C1QTNF12: variants seen among roughly 807,000 people sequenced by gnomAD.
The protein encoded by C1QTNF12 is C1q and TNF related 12, also known as adipolin.
In C1QTNF12, 39 loss-of-function variants were observed where a neutral mutation model predicts 34.3. The ratio of observed to expected loss-of-function variants is 1.14; its 90% confidence interval spans 0.88 to 1.49. C1QTNF12 has a LOEUF of 1.49. Among genes scored for constraint, C1QTNF12 ranks in the 40% most tolerant of loss-of-function variants. The probability of loss-of-function intolerance (pLI) is 0.00; values close to 1 mark genes in which losing one functional copy is unlikely to be tolerated. For missense variants in C1QTNF12, 497 were observed against 424.7 expected (o/e 1.17, Z -1.50); for synonymous variants, 220 against 196.9 (o/e 1.12, Z -0.98).
intron 1 of C1QTNF12, among the ~76,000 whole-genome samples, chr1:1,245,748 G>A (rs371598470): frequency 6.6e-6 from 1 of 152,344 alleles, no homozygotes. Context: ...CAGCGGGGCC[G>A]CGTGGGCTGA....
At chr1:1,243,845 C>G in intron 4 of C1QTNF12, 109 bp downstream of exon 4, 1 of 1,369,918 alleles carries the variant, frequency 7.3e-7, no homozygotes, top group Non-Finnish European at 9.9e-7. Flanking sequence ...GCCCCGCCCC[C>G]AGCCCCCAAC....
chr1:1,243,859 CA>C, intron 4 of C1QTNF12, 94 bp downstream of exon 4: 1 of 1,444,374 alleles, frequency 6.9e-7, no homozygotes, highest in Non-Finnish European at 9.3e-7. Flanking sequence ...CCCCAACCCA[CA>C]TGCTGCCCCA....
chr1:1,246,848 C>T, upstream of C1QTNF12: 1 of 443,456 alleles, frequency 2.3e-6, no homozygotes, highest in Non-Finnish European at 3.4e-6. This position sits in a 1 kb window ranked among gnomAD's most constrained non-coding sequence, Gnocchi z 4.5. Flanking sequence ...AACGGCGGCG[C>T]GACGGCGCTC....
Position 1,243,090 on chromosome 1 carries a change from A to G in C1QTNF12, c.703T>C (p.Cys235Arg). Reference sequence around the variant, plus strand: ...TGGCGCTGGCACAGGGACTCAATACAGATGAGAACACACACCACGTCCCGG... The same window carrying G: ...TGGCGCTGGCACAGGGACTCAATACGGATGAGAACACACACCACGTCCCGG... ...RARDVVCVLI[C>R]IESLCQRHTC... The change falls in exon 6 of 8, where the codon TGT becomes CGT. Residue 235 changes from cysteine to arginine, a missense_variant. Transcript: ENST00000330388. 6.3e-7 allele frequency: 1 copy of G among 1,588,974 alleles called. No homozygotes were observed. The highest frequency in any genetic ancestry group is 8.6e-7 in the Non-Finnish European group (1 of 1,168,656).
intron 4 of C1QTNF12, 90 bp downstream of exon 4, chr1:1,243,863 CT>C: frequency 7.0e-7 from 1 of 1,423,752 alleles, no homozygotes; most frequent in Non-Finnish European, 9.5e-7. Flanking sequence ...AACCCACATG[CT>C]GCCCCATGAG....
At chr1:1,243,858 AC>A in intron 4 of C1QTNF12, 95 bp downstream of exon 4, 1 of 862,864 alleles carries the variant, frequency 1.2e-6, no homozygotes, top group Non-Finnish European at 1.7e-6. Context: ...CCCCCAACCC[AC>A]ATGCTGCCCC....
rs1570515748 is a variant in C1QTNF12 at position 1,246,236 on chromosome 1, A to G, written c.177+278T>C. On this transcript the variant is annotated intron_variant, in intron 1 of 7. Transcript: ENST00000330388. This position sits in a 1 kb window ranked among gnomAD's most constrained non-coding sequence, Gnocchi z 4.5. ...TCAGAGCGCGGCAGGCCCACGCTTCAAAGGGTTAACTGCGGCCCCCAACCG... is the reference window on the plus strand; with the variant it reads ...TCAGAGCGCGGCAGGCCCACGCTTCGAAGGGTTAACTGCGGCCCCCAACCG... 7.0e-6 allele frequency among the ~76,000 whole-genome samples: 1 copy of G among 143,478 alleles called. No individual in the cohort carries two copies. The highest frequency in any genetic ancestry group is 2.6e-5 in the African/African-American group (1 of 38,090). 94.1% of individuals were successfully genotyped at this position (143,478 alleles called of 152,430 possible).
Position 1,242,602 on chromosome 1 carries a change from G to C in C1QTNF12, c.855C>G (p.Ala285=), listed in dbSNP as rs372815102. Residue 285 remains alanine, a synonymous_variant, in exon 8 of 8, where the codon GCC becomes GCG. Coordinates refer to ENST00000330388, the MANE Select transcript of C1QTNF12 (RefSeq NM_001014980.3). ...TGGAGCCCGCCTGGATGGTGAGGAC[G>C]GCCCCGGAGCCATTGTCCACAAACA... is the stretch of plus-strand genomic sequence containing the variant. ...ASVFVDNGSG[A]VLTIQAGSSF... 17 of 1,594,262 alleles carry C rather than the reference G, an allele frequency of 1.1e-5. No homozygotes were observed. Among genetic ancestry groups the C allele is most frequent in the African/African-American group, 2.7e-5 (2 of 74,628 alleles).
Position 1,242,663 on chromosome 1 carries a change from G to A in C1QTNF12, c.811-17C>T, listed in dbSNP as rs770770194. 3 of 1,581,394 alleles carry A rather than the reference G, an allele frequency of 1.9e-6. No individual in the cohort carries two copies. The African/African-American group carries it at 4.0e-5, about 21-fold the overall frequency. ...CTGTCCAGCCTGTAAGAAGCACGGG[G>A]ACGTCACAACCGCAGCCACAGCCCA... On this transcript the variant is annotated splice_polypyrimidine_tract_variant and intron_variant, in intron 7 of 7. Coordinates refer to ENST00000330388, the MANE Select transcript of C1QTNF12 (RefSeq NM_001014980.3).
rs1054547438 is a variant in C1QTNF12, at chr1:1,246,520, G to A, written c.171C>T (p.Ala57=). 53 of 1,233,282 alleles carry A rather than the reference G, an allele frequency of 4.3e-5. No homozygotes were observed. Among genetic ancestry groups the A allele is most frequent in the Non-Finnish European group, 5.2e-5 (51 of 988,500 alleles). The allele number at this position is 1,233,282 out of a possible 1,614,324, so 76.4% of individuals were successfully genotyped here. The change falls in exon 1 of 8, where the codon GCC becomes GCT. Residue 57 remains alanine, a synonymous_variant. Transcript: ENST00000330388. This position sits in a 1 kb window ranked among gnomAD's most constrained non-coding sequence, Gnocchi z 4.5. ...GTGCGTCCCGGCCGCGTACCTTGGGGGCCTCGGGCAGCCCCTCGCGGGAGG... is the reference window on the plus strand; with the variant it reads ...GTGCGTCCCGGCCGCGTACCTTGGGAGCCTCGGGCAGCCCCTCGCGGGAGG... ...SASSREGLPE[A]PKPSQASGPE...
At chr1:1,246,755 C>A (rs572708945), upstream of C1QTNF12, 477 of 1,163,932 alleles carry the variant, frequency 4.1e-4, no homozygotes, top group African/African-American at 7.2e-3. This position sits in a 1 kb window ranked among gnomAD's most constrained non-coding sequence, Gnocchi z 4.5. Flanking sequence ...TGGGGACGGC[C>A]GGCGCTCAGA....
upstream of C1QTNF12, chr1:1,246,767 C>G (rs1293475718): frequency 8.1e-6 from 9 of 1,106,712 alleles, no homozygotes; most frequent in East Asian, 2.6e-4. The surrounding 1 kb of genome is among the most constrained non-coding windows in gnomAD (Gnocchi z 4.5). Context: ...GCGCTCAGAG[C>G]CCCCGCGCGG....
intron 7 of C1QTNF12, 48 bp downstream of exon 7, chr1:1,242,787 A>C (rs1354815676): frequency 1.3e-6 from 2 of 1,596,718 alleles, no homozygotes; most frequent in Non-Finnish European, 1.7e-6. Context: ...CACCCGGCCC[A>C]GCCCGAGTGC....
rs1638826982 is a variant in C1QTNF12, at chr1:1,244,427, TCCGGCCG to T, written c.241_247del (p.Arg81ThrfsTer5). ...GCACCGCTTCCTTAAGGCGCCGTCG[TCCGGCCG>T]CCGGACAAAGTTCAGCCATGTCATG... is the stretch of plus-strand genomic sequence containing the variant. On this transcript the variant is annotated frameshift_variant, in exon 2 of 8. Transcript: ENST00000330388. LOFTEE classifies it high-confidence loss of function. 1 of 1,611,838 alleles carries T rather than the reference TCCGGCCG, an allele frequency of 6.2e-7. No individual in the cohort carries two copies. Among genetic ancestry groups the T allele is most frequent in the East Asian group, 2.2e-5 (1 of 44,872 alleles).
At chr1:1,243,014 A>T in intron 6 of C1QTNF12, 48 bp downstream of exon 6, 1 of 1,557,040 alleles carries the variant, frequency 6.4e-7, no homozygotes, top group Non-Finnish European at 8.7e-7. Context: ...AGCCCCTCCA[A>T]GGGTGGTCCG....
intron 1 of C1QTNF12, 77 bp from the exon 2 acceptor site, chr1:1,244,574 C>T: frequency 8.7e-7 from 1 of 1,143,930 alleles, no homozygotes; most frequent in South Asian, 1.2e-5. Flanking sequence ...GCGGGGAGCA[C>T]TCAGGGCAGA....
At position 1,242,635 on chromosome 1, in the gene C1QTNF12, G is replaced by C; in HGVS notation, c.822C>G (p.Tyr274Ter). 4 of 1,592,368 alleles carry C rather than the reference G, an allele frequency of 2.5e-6. No homozygotes were observed. The highest frequency in any genetic ancestry group is 3.4e-6 in the Non-Finnish European group (4 of 1,169,950). The change falls in exon 8 of 8, where the codon TAC (tyrosine) becomes TAG (stop). Residue 274 changes from tyrosine (Y) to a stop codon, truncating the protein, a stop_gained. Coordinates refer to ENST00000330388, the MANE Select transcript of C1QTNF12 (RefSeq NM_001014980.3). LOFTEE classifies it high-confidence loss of function. ...AGCCATTGTCCACAAACACAGAAGC[G>C]TACTGTCCAGCCTGTAAGAAGCACG... ...QGLLQLQAGQ[Y>*]ASVFVDNGSG...
Position 1,244,049 on chromosome 1 carries a change from C to T in C1QTNF12, c.436G>A (p.Gly146Ser). 6.3e-7 allele frequency: 1 copy of T among 1,599,400 alleles called. No homozygotes were observed. The highest frequency in any genetic ancestry group is 8.5e-7 in the Non-Finnish European group (1 of 1,173,720). The change falls in exon 4 of 8, where the codon GGC becomes AGC. Residue 146 changes from glycine (G) to serine (S), a missense_variant. Coordinates refer to ENST00000330388, the MANE Select transcript of C1QTNF12 (RefSeq NM_001014980.3). ...LLDPLLPQGA[G>S]LRLVGEAFHC... ...AAGGCCTCGCCCACCAGCCGCAGGC[C>T]CGCCCCCTGGGGCAGCAGCGGGTCC... is the stretch of plus-strand genomic sequence containing the variant.
In C1QTNF12 at chr1:1,243,053, G is replaced by A. The variant is rs1274528067; in HGVS notation, c.731+9C>T. ...GCTGCCGCCTGGAGCGGGGGCTGAG[G>A]TCACTCACGTGTGGCGCTGGCACAG... On this transcript the variant is annotated intron_variant, in intron 6 of 7. Transcript: ENST00000330388. 9 of 1,574,286 alleles carry A rather than the reference G, an allele frequency of 5.7e-6. No individual in the cohort carries two copies. Among genetic ancestry groups the A allele is most frequent in the Non-Finnish European group, 7.8e-6 (9 of 1,160,554 alleles).
Sources: gnomAD v4.1 joint callset for allele counts (sites outside exome capture counted in the v4.1 genomes callset) on GRCh38, gnomAD v4.1.1 for gene constraint, Gnocchi (gnomAD v3.1) non-coding constraint, MANE v1.5 for transcripts, NCBI Gene and HGNC (gene_info 2026-07-23, HGNC 2026-07-21) for gene names.